Variants in BZW2 observed in about 807,000 individuals in gnomAD.
BZW2 encodes the protein eIF5-mimic protein 1.
In BZW2, 23 loss-of-function variants were observed where a neutral mutation model predicts 53.2. The ratio of observed to expected loss-of-function variants is 0.43; its 90% confidence interval spans 0.31 to 0.61. The LOEUF (loss-of-function observed/expected upper bound fraction) is 0.61. Ranked by LOEUF, BZW2 falls within the 20% of genes least tolerant of loss-of-function variation. BZW2 has a pLI of 0.09. For synonymous variants in BZW2, 227 were observed against 186.4 expected (o/e 1.22, Z -1.77); for missense variants, 409 against 503.1 (o/e 0.81, Z 1.79).
intron 6 of BZW2, among the ~76,000 whole-genome samples, chr7:16,688,293 A>G (rs1305182064): frequency 6.6e-6 from 1 of 152,202 alleles, no homozygotes; most frequent in African/African-American, 2.4e-5. Context: ...CATCCCAAGG[A>G]TGGTGCCCCC....
At chr7:16,654,353 G>A (rs1333639667) in intron 1 of BZW2, among the ~76,000 whole-genome samples, 2 of 151,944 alleles carry the variant, frequency 1.3e-5, no homozygotes, top group African/African-American at 4.8e-5. Flanking sequence ...CTAAAGTGAT[G>A]CAATGGAACA....
In BZW2 at chr7:16,681,320, A is replaced by G. The variant is rs1782937140; in HGVS notation, c.255A>G (p.Ile85Met). 1 of 1,613,896 alleles carries G rather than the reference A, an allele frequency of 6.2e-7. No individual in the cohort carries two copies. Among genetic ancestry groups the G allele is most frequent in the African/African-American group, 1.3e-5 (1 of 74,932 alleles). The change falls in exon 4 of 12, where the codon ATA becomes ATG. Residue 85 changes from isoleucine to methionine, a missense_variant. Around this residue, in one of 3 missense-constraint regions of BZW2, gnomAD observed 316 missense variants for 366.8 expected, o/e 0.86. Transcript: ENST00000258761. ...GSMLAPGGTR[I>M]DDGDKTKMTN... ...TTTTAGCCCCTGGAGGAACGCGCAT[A>G]GATGATGGTGACAAGACCAAGATGA...
Position 16,646,204 on chromosome 7 carries a change from T to TGCTGCTGCTGCTGCTGCTGCC in BZW2, c.-80_-60dup. 4.4e-5 allele frequency: 12 copies of TGCTGCTGCTGCTGCTGCTGCC among 269,734 alleles called. 3 individuals are homozygous for TGCTGCTGCTGCTGCTGCTGCC. The highest frequency in any genetic ancestry group is 9.2e-4 in the Middle Eastern group (1 of 1,082). 16.7% of individuals were successfully genotyped at this position (269,734 alleles called of 1,614,324 possible). ...TCACTCCTCCATTGTCTGCCGCCAC[T>TGCTGCTGCTGCTGCTGCTGCC]GCTGCTGCTGCTGCTGCTGCCGCTG... is the stretch of plus-strand genomic sequence containing the variant. On this transcript the variant is annotated 5_prime_UTR_variant, in exon 1 of 12. Transcript: ENST00000258761.
intron 9 of BZW2, among the ~76,000 whole-genome samples, chr7:16,697,846 T>G (rs1266692513): frequency 6.6e-6 from 1 of 152,194 alleles, no homozygotes; most frequent in African/African-American, 2.4e-5. Context: ...TTCTTCCCAG[T>G]TCCCTCACAG....
chr7:16,664,796 A>G (rs1782370365), intron 1 of BZW2, among the ~76,000 whole-genome samples: 1 of 152,186 alleles, frequency 6.6e-6, no homozygotes, highest in Non-Finnish European at 1.5e-5. Context: ...GAATATAGCT[A>G]CAGGATAAAT....
rs1783437303 is a variant in BZW2 at position 16,695,083 on chromosome 7, T to G, written c.822+79T>G. On this transcript the variant is annotated intron_variant, in intron 8 of 11. Coordinates refer to ENST00000258761, the MANE Select transcript of BZW2 (RefSeq NM_014038.3). ...ATGGGCTGTGTAGCAAAGGCTTTCC[T>G]TAACAAGTCTGTCCTATGCTTATTG... The G allele has an allele frequency of 2.2e-6, 3 of 1,339,516 alleles. No individual in the cohort carries two copies. In the African/African-American group the frequency reaches 4.3e-5, roughly 19 times the overall value. 83.0% of individuals were successfully genotyped at this position (1,339,516 alleles called of 1,614,324 possible).
Position 16,666,541 on chromosome 7 carries a change from T to G in BZW2, c.58+1040T>G, listed in dbSNP as rs112626052. 3.9e-3 allele frequency among the ~76,000 whole-genome samples: 588 copies of G among 152,262 alleles called. 6 individuals are homozygous for G. The highest frequency in any genetic ancestry group is 0.013 in the African/African-American group (552 of 41,536). On this transcript the variant is annotated intron_variant, in intron 2 of 11. Transcript: ENST00000258761. Reference sequence around the variant, plus strand: ...CCTCAGCCTCCCAAGTAGCTGGGATTACAGGCAACCGCCATCATACCCAGC... The same window carrying G: ...CCTCAGCCTCCCAAGTAGCTGGGATGACAGGCAACCGCCATCATACCCAGC...
At chr7:16,659,456 T>C (rs1472027657) in intron 1 of BZW2, among the ~76,000 whole-genome samples, 1 of 152,176 alleles carries the variant, frequency 6.6e-6, no homozygotes. Flanking sequence ...GTGTCAATAA[T>C]TTAAACTTTT....
chr7:16,701,562 C>T (rs1783668301), intron 10 of BZW2, among the ~76,000 whole-genome samples: 1 of 152,110 alleles, frequency 6.6e-6, no homozygotes, highest in East Asian at 1.9e-4. Flanking sequence ...TCAAGAGTTT[C>T]AAGTGACATA....
intron 2 of BZW2, among the ~76,000 whole-genome samples, chr7:16,668,166 C>T (rs539033176): frequency 1.3e-5 from 2 of 152,332 alleles, no homozygotes; most frequent in African/African-American, 4.8e-5. Flanking sequence ...ATCTCCACCT[C>T]AAGCATCTTT....
intron 1 of BZW2, among the ~76,000 whole-genome samples, chr7:16,656,019 C>T (rs975166999): frequency 2.0e-5 from 3 of 151,836 alleles, no homozygotes; most frequent in Non-Finnish European, 2.9e-5. Flanking sequence ...TAAATTTTAA[C>T]ATAGATACCA....
chr7:16,692,526 G>A (rs1562494741), intron 7 of BZW2, among the ~76,000 whole-genome samples: 1 of 152,168 alleles, frequency 6.6e-6, no homozygotes, highest in Non-Finnish European at 1.5e-5. Context: ...ACCTCAGGAG[G>A]CTGAGGCAGG....
chr7:16,668,188 G>T (rs77966925), intron 2 of BZW2, among the ~76,000 whole-genome samples: 2,784 of 152,234 alleles, frequency 0.018, 72 homozygotes, highest in African/African-American at 0.063. Context: ...TTAGTGTGAC[G>T]CTAATTCACT....
At chr7:16,654,235 G>C (rs550563052) in intron 1 of BZW2, among the ~76,000 whole-genome samples, 1 of 151,346 alleles carries the variant, frequency 6.6e-6, no homozygotes, top group Non-Finnish European at 1.5e-5. Context: ...GTCTCAAAAA[G>C]TAATAATAAT....
At chr7:16,681,653 A>T in intron 4 of BZW2, among the ~76,000 whole-genome samples, 1 of 152,158 alleles carries the variant, frequency 6.6e-6, no homozygotes, top group East Asian at 1.9e-4. Context: ...CAACATGGTG[A>T]AACCCCATCT....
At chr7:16,685,863 T>A (rs1286057908) in intron 5 of BZW2, 42 bp from the exon 6 acceptor site, 7 of 1,476,760 alleles carry the variant, frequency 4.7e-6, no homozygotes, top group Admixed American at 5.5e-5. Context: ...CCTTTTTTTT[T>A]CTTTTTCTTT....
intron 1 of BZW2, among the ~76,000 whole-genome samples, chr7:16,653,429 T>A (rs558077514): frequency 4.6e-5 from 7 of 152,322 alleles, no homozygotes; most frequent in African/African-American, 1.7e-4. Flanking sequence ...CCCATCAGTT[T>A]TGTGTCTGTC....
At chr7:16,699,074 C>T (rs947910854) in intron 10 of BZW2, among the ~76,000 whole-genome samples, 2 of 152,132 alleles carry the variant, frequency 1.3e-5, no homozygotes, top group African/African-American at 4.8e-5. Context: ...TAGCATTTCA[C>T]AATGAATTTT....
intron 1 of BZW2, among the ~76,000 whole-genome samples, chr7:16,658,132 A>G (rs1782164482): frequency 6.6e-6 from 1 of 152,160 alleles, no homozygotes; most frequent in South Asian, 2.1e-4. Context: ...GAGATAACCC[A>G]TCTGGGGAAA....
Sources: gnomAD v4.1 joint callset for allele counts (sites outside exome capture counted in the v4.1 genomes callset) on GRCh38, gnomAD v4.1.1 for gene constraint, gnomAD v4.1.1 regional missense constraint, MANE v1.5 for transcripts, NCBI Gene and HGNC (gene_info 2026-07-23, HGNC 2026-07-21) for gene names.